Variants in LARS2 observed in about 807,000 individuals in gnomAD.
LARS2 encodes the protein leucine--tRNA ligase, mitochondrial.
Under a neutral mutation model 116.6 loss-of-function variants are expected in LARS2, and 81 were observed. The observed-to-expected ratio is 0.69, with a 90% confidence interval of 0.58 to 0.84. LARS2 has a LOEUF of 0.84. Ranked by LOEUF, LARS2 falls within the 40% of genes least tolerant of loss-of-function variation. The pLI, the probability that LARS2 is intolerant of heterozygous loss-of-function variation, is 0.00. For synonymous variants in LARS2, 396 were observed against 407.2 expected (o/e 0.97, Z 0.33); for missense variants, 968 against 1,114.5 (o/e 0.87, Z 1.87).
intron 20 of LARS2, among the ~76,000 whole-genome samples, chr3:45,540,778 A>G (rs555116158): frequency 4.2e-4 from 63 of 151,766 alleles, no homozygotes; most frequent in African/African-American, 1.5e-3. Flanking sequence ...CTATCTATCT[A>G]TCTATCTATC....
At chr3:45,429,145 A>G (rs933880276) in intron 6 of LARS2, among the ~76,000 whole-genome samples, 1 of 152,318 alleles carries the variant, frequency 6.6e-6, no homozygotes, top group African/African-American at 2.4e-5. Context: ...TACCATAACA[A>G]ATTATCACAA....
chr3:45,389,587 G>C (rs1697903525), intron 1 of LARS2, among the ~76,000 whole-genome samples: 2 of 152,218 alleles, frequency 1.3e-5, no homozygotes, highest in African/African-American at 4.8e-5. Flanking sequence ...CTGAGATTGA[G>C]GTCAGGGTTG....
chr3:45,434,433 G>A (rs1698768042), intron 6 of LARS2, among the ~76,000 whole-genome samples: 2 of 152,102 alleles, frequency 1.3e-5, no homozygotes, highest in Admixed American at 6.5e-5. Flanking sequence ...TGTTCATTTG[G>A]TGGTTCTTTA....
chr3:45,494,234 AT>A (rs1368975010), intron 13 of LARS2, among the ~76,000 whole-genome samples: 1 of 152,200 alleles, frequency 6.6e-6, no homozygotes, highest in Non-Finnish European at 1.5e-5. Flanking sequence ...CAGCCACTGC[AT>A]TTAACCAGCT....
chr3:45,459,807 G>A (rs1699283382), intron 8 of LARS2, among the ~76,000 whole-genome samples: 2 of 152,170 alleles, frequency 1.3e-5, no homozygotes, highest in South Asian at 4.1e-4. Flanking sequence ...ATGCATGCAT[G>A]AGACTGGACA....
At chr3:45,437,480 CA>C (rs1698827096) in intron 6 of LARS2, among the ~76,000 whole-genome samples, 1 of 152,114 alleles carries the variant, frequency 6.6e-6, no homozygotes, top group Non-Finnish European at 1.5e-5. Flanking sequence ...TGGAATTTGA[CA>C]GATGGTTGAA....
chr3:45,434,345 T>G (rs1260458763), intron 6 of LARS2, among the ~76,000 whole-genome samples: 4 of 152,212 alleles, frequency 2.6e-5, no homozygotes, highest in Admixed American at 6.5e-5. Context: ...GTTCACTGAT[T>G]CCTTTGTCCC....
At chr3:45,452,789 A>T (rs1221016688) in intron 7 of LARS2, among the ~76,000 whole-genome samples, 3 of 152,172 alleles carry the variant, frequency 2.0e-5, no homozygotes, top group Admixed American at 1.3e-4. Flanking sequence ...TCAGCAGTGA[A>T]TCCATCAGGT....
At chr3:45,540,750 A>ATCTG (rs1700780924) in intron 20 of LARS2, among the ~76,000 whole-genome samples, 2 of 77,746 alleles carry the variant, frequency 2.6e-5, no homozygotes, top group South Asian at 3.4e-4. Context: ...CTATCTGTCT[A>ATCTG]TCTATCTATC....
chr3:45,447,357 T>G (rs1168730009), intron 7 of LARS2, among the ~76,000 whole-genome samples: 1 of 152,202 alleles, frequency 6.6e-6, no homozygotes, highest in Non-Finnish European at 1.5e-5. Flanking sequence ...CCTTGTGGGG[T>G]ACTATGGTTT....
intron 10 of LARS2, among the ~76,000 whole-genome samples, chr3:45,478,142 A>G (rs372728783): frequency 2.6e-5 from 4 of 152,136 alleles, no homozygotes; most frequent in South Asian, 2.1e-4. Context: ...TAAAATTTCT[A>G]TGCATGCTTA....
chr3:45,422,978 G>A (rs1414589777), intron 6 of LARS2, among the ~76,000 whole-genome samples: 2 of 152,178 alleles, frequency 1.3e-5, no homozygotes, highest in African/African-American at 2.4e-5. Context: ...TTCATAACTC[G>A]TACTTATTTT....
chr3:45,483,214 T>A (rs1037164829), intron 10 of LARS2, among the ~76,000 whole-genome samples: 2 of 152,250 alleles, frequency 1.3e-5, no homozygotes, highest in African/African-American at 4.8e-5. Context: ...GTGCCGTATA[T>A]GCCTATACTG....
At chr3:45,398,973 G>A (rs1440473129) in intron 3 of LARS2, among the ~76,000 whole-genome samples, 2 of 152,056 alleles carry the variant, frequency 1.3e-5, no homozygotes, top group African/African-American at 2.4e-5. Context: ...TTTTACCAGG[G>A]GAAGAATTAA....
rs538602851 is a variant in LARS2 at position 45,481,599 on chromosome 3, A to T, written c.1019-4093A>T. On this transcript the variant is annotated intron_variant, in intron 10 of 21. Coordinates refer to ENST00000645846, the MANE Select transcript of LARS2 (RefSeq NM_015340.4). The stretch of plus-strand genomic sequence containing the variant: ...GTTTTAATTTGCATTTCCCTGATAC[A>T]TCTTTTCATGTGTTTATTGGCCATT... 3.9e-5 allele frequency among the ~76,000 whole-genome samples: 6 copies of T among 152,244 alleles called. No individual in the cohort carries two copies. The South Asian group carries it at 6.2e-4, about 16-fold the overall frequency.
chr3:45,393,918 A>G (rs749135121), intron 2 of LARS2, among the ~76,000 whole-genome samples: 3 of 152,268 alleles, frequency 2.0e-5, no homozygotes, highest in Non-Finnish European at 2.9e-5. Context: ...TTTCTGGTTC[A>G]GCCTACAGGG....
At chr3:45,436,645 T>G (rs942781479) in intron 6 of LARS2, among the ~76,000 whole-genome samples, 1 of 149,694 alleles carries the variant, frequency 6.7e-6, no homozygotes, top group African/African-American at 2.5e-5. Flanking sequence ...ATACAAAAAA[T>G]TAGCCGGGCG....
At chr3:45,424,271 A>C (rs954716728) in intron 6 of LARS2, among the ~76,000 whole-genome samples, 2 of 152,230 alleles carry the variant, frequency 1.3e-5, no homozygotes, top group Non-Finnish European at 2.9e-5. Flanking sequence ...CACATAACCT[A>C]ATGAACATAA....
chr3:45,402,337 A>G (rs1318423297), intron 4 of LARS2, among the ~76,000 whole-genome samples: 7 of 152,176 alleles, frequency 4.6e-5, no homozygotes, highest in African/African-American at 1.4e-4. Flanking sequence ...TCTCTGCCCA[A>G]TGTTGTGTTT....
Sources: gnomAD v4.1 joint callset for allele counts (sites outside exome capture counted in the v4.1 genomes callset) on GRCh38, gnomAD v4.1.1 for gene constraint, MANE v1.5 for transcripts, NCBI Gene and HGNC (gene_info 2026-07-23, HGNC 2026-07-21) for gene names.